FAM20B: variants seen among roughly 807,000 people sequenced by gnomAD.
The protein encoded by FAM20B is glycosaminoglycan xylosylkinase.
In FAM20B, 23 loss-of-function variants were observed where a neutral mutation model predicts 43.8. The observed-to-expected ratio is 0.53, with a 90% CI of 0.38 to 0.74. The LOEUF is 0.74. FAM20B is among the 30% of genes least tolerant of loss of function. The probability of loss-of-function intolerance (pLI) is 0.00; values close to 1 mark genes in which losing one functional copy is unlikely to be tolerated. For missense variants in FAM20B, 440 were observed against 510.5 expected, an observed-to-expected ratio of 0.86 and a Z score of 1.33; for synonymous variants, 178 against 192.4, an observed-to-expected ratio of 0.93 and a Z score of 0.62.
intron 4 of FAM20B, among the ~76,000 whole-genome samples, chr1:179,063,211 A>G (rs1240964984): frequency 6.6e-6 from 1 of 152,088 alleles, no homozygotes; most frequent in Non-Finnish European, 1.5e-5. Context: ...TGGGAGGCAG[A>G]GGTTGCAGTG....
intron 2 of FAM20B, among the ~76,000 whole-genome samples, chr1:179,046,376 C>T (rs902242551): frequency 6.6e-6 from 1 of 152,216 alleles, no homozygotes; most frequent in Non-Finnish European, 1.5e-5. Flanking sequence ...GATGGCCGGG[C>T]ACGGTGGCTC....
At chr1:179,028,437 C>G (rs1284183397) in intron 1 of FAM20B, among the ~76,000 whole-genome samples, 1 of 152,214 alleles carries the variant, frequency 6.6e-6, no homozygotes, top group African/African-American at 2.4e-5. Flanking sequence ...CAAAAATTAG[C>G]TGTGCATGGT....
chr1:179,044,274 A>T, intron 2 of FAM20B, 50 bp downstream of exon 2: 1 of 1,536,270 alleles, frequency 6.5e-7, no homozygotes, highest in Non-Finnish European at 8.8e-7. Context: ...GATTCATTTA[A>T]CTTGGGATTT....
In FAM20B at chr1:179,034,384, TTCTCTC is replaced by T. The variant is rs138317999; in HGVS notation, c.-134+8300_-134+8305del. 3.0e-4 allele frequency among the ~76,000 whole-genome samples: 45 copies of T among 151,126 alleles called. No individual in the cohort carries two copies. In the East Asian group the frequency reaches 7.2e-3, roughly 24 times the overall value. On this transcript the variant is annotated intron_variant, in intron 1 of 7. Coordinates refer to ENST00000263733, the MANE Select transcript of FAM20B (RefSeq NM_014864.4). ...GGGAGGAAAAACAGACTCCACCTCT[TTCTCTC>T]TCTCTCTCTCTCTTTTTTTTTAATA...
intron 3 of FAM20B, among the ~76,000 whole-genome samples, chr1:179,053,317 T>A (rs1572548689): frequency 6.6e-6 from 1 of 152,200 alleles, no homozygotes; most frequent in East Asian, 1.9e-4. Context: ...GCGTTTGTAG[T>A]CCTAGGTACC....
Position 179,043,762 on chromosome 1 carries a change from C to A in FAM20B, c.-86C>A. 1.5e-6 allele frequency: 2 copies of A among 1,345,214 alleles called. No individual in the cohort carries two copies. Among genetic ancestry groups the A allele is most frequent in the Non-Finnish European group, 2.1e-6 (2 of 974,364 alleles). The allele number at this position is 1,345,214 out of a possible 1,614,324, so 83.3% of individuals were successfully genotyped here. A position where few individuals can be genotyped will look rare whatever the true frequency, so the allele number is the denominator to read the frequency against. On this transcript the variant is annotated 5_prime_UTR_variant, in exon 2 of 8. Coordinates refer to ENST00000263733, the MANE Select transcript of FAM20B (RefSeq NM_014864.4). Reference sequence around the variant, plus strand: ...GAAGAAATGGACCAATGTGTATAATCATGGAATCTCCTTGCTAACCATCAC... The same window carrying A: ...GAAGAAATGGACCAATGTGTATAATAATGGAATCTCCTTGCTAACCATCAC...
chr1:179,022,561 G>A (rs1649622886), upstream of FAM20B, among the ~76,000 whole-genome samples: 1 of 152,172 alleles, frequency 6.6e-6, no homozygotes. Flanking sequence ...ACTGTTATTG[G>A]AGTCCTAGGG....
chr1:179,030,128 A>G (rs1297273705), intron 1 of FAM20B, among the ~76,000 whole-genome samples: 3 of 152,196 alleles, frequency 2.0e-5, no homozygotes, highest in African/African-American at 7.2e-5. Context: ...AATGTAAAAC[A>G]GCTAAATTGG....
rs547439601 is a variant in FAM20B, at chr1:179,032,313, C to CTTTT, written c.-134+6238_-134+6241dup. 6.1e-4 allele frequency among the ~76,000 whole-genome samples: 68 copies of CTTTT among 111,934 alleles called. 6 individuals are homozygous for CTTTT. Among genetic ancestry groups the CTTTT allele is most frequent in the African/African-American group, 1.6e-3 (50 of 32,066 alleles). 73.4% of individuals were successfully genotyped at this position (111,934 alleles called of 152,430 possible). The stretch of plus-strand genomic sequence containing the variant: ...GCACAACACATGTAGAGGTCTCATT[C>CTTTT]TTTTTTTTTTTTTTTTTTTTTTTTT... On this transcript the variant is annotated intron_variant, in intron 1 of 7. Coordinates refer to ENST00000263733, the MANE Select transcript of FAM20B (RefSeq NM_014864.4).
intron 7 of FAM20B, among the ~76,000 whole-genome samples, chr1:179,067,632 GT>G (rs1169198717): frequency 6.6e-6 from 1 of 151,662 alleles, no homozygotes; most frequent in African/African-American, 2.4e-5. Context: ...ATAATAATTG[GT>G]TTTTTTAAAA....
chr1:179,073,699 C>T lies in FAM20B; in HGVS notation c.*1555C>T, dbSNP rs1301861718. The T allele has an allele frequency of 6.6e-6, 1 of 152,198 alleles. No homozygotes were observed. Among genetic ancestry groups the T allele is most frequent in the Non-Finnish European group, 1.5e-5 (1 of 68,034 alleles). The allele number at this position is 152,198 out of a possible 1,614,324, so 9.4% of individuals were successfully genotyped here. A position where few individuals can be genotyped will look rare whatever the true frequency, so the allele number is the denominator to read the frequency against. On this transcript the variant is annotated 3_prime_UTR_variant, in exon 8 of 8. Coordinates refer to ENST00000263733, the MANE Select transcript of FAM20B (RefSeq NM_014864.4). ...CTTAAGATTTTGATTTATGTCAAAT[C>T]CTAATTCTATCATTCAGTCTTGTTT... is the stretch of plus-strand genomic sequence containing the variant.
At chr1:179,051,573 G>A (rs993789102) in intron 3 of FAM20B, among the ~76,000 whole-genome samples, 4 of 152,128 alleles carry the variant, frequency 2.6e-5, no homozygotes, top group African/African-American at 9.7e-5. Flanking sequence ...GCTGCAGTGA[G>A]CTGTGATCAC....
At chr1:179,041,640 G>GAGGGAGA (rs1650541464) in intron 1 of FAM20B, among the ~76,000 whole-genome samples, 4 of 123,420 alleles carry the variant, frequency 3.2e-5, no homozygotes, top group African/African-American at 1.1e-4. Flanking sequence ...GGGAGACCGT[G>GAGGGAGA]GGGAGACGGG....
the FAM20B span, among the ~76,000 whole-genome samples, chr1:179,019,123 A>G: frequency 6.6e-6 from 1 of 152,230 alleles, no homozygotes; most frequent in African/African-American, 2.4e-5. Flanking sequence ...CAGTTCACCA[A>G]TTCAAATGCT....
intron 6 of FAM20B, 88 bp from the exon 7 acceptor site, chr1:179,066,712 G>A: frequency 3.5e-6 from 3 of 868,602 alleles, no homozygotes; most frequent in Non-Finnish European, 5.8e-6. Flanking sequence ...GATCACATTT[G>A]AGTTTCATAT....
chr1:179,037,104 C>A (rs1036053645), intron 1 of FAM20B, among the ~76,000 whole-genome samples: 5 of 152,162 alleles, frequency 3.3e-5, no homozygotes, highest in Admixed American at 6.5e-5. Flanking sequence ...GCTTTAATGC[C>A]TTGCCAAGGA....
At position 179,050,359 on chromosome 1, in the gene FAM20B, TGGACA is replaced by T. The variant is rs1427567785; in HGVS notation, c.461_464+1del. The stretch of plus-strand genomic sequence containing the variant: ...AATGCAGAGGTAGCAGCCTTTCACT[TGGACA>T]GGTGCGTATGATCACAGCAGCTTAT... On this transcript the variant is annotated frameshift_variant and splice_region_variant, in exon 3 of 8. Coordinates refer to ENST00000263733, the MANE Select transcript of FAM20B (RefSeq NM_014864.4). LOFTEE classifies it high-confidence loss of function. 1 of 1,612,778 alleles carries T rather than the reference TGGACA, an allele frequency of 6.2e-7. No homozygotes were observed. The highest frequency in any genetic ancestry group is 1.7e-5 in the Admixed American group (1 of 60,014).
chr1:179,031,589 T>C (rs986447318), intron 1 of FAM20B, among the ~76,000 whole-genome samples: 3 of 152,252 alleles, frequency 2.0e-5, no homozygotes, highest in African/African-American at 7.2e-5. Context: ...GTAATGGTTT[T>C]AGTTGCCTTC....
At chr1:179,044,306 CT>C in intron 2 of FAM20B, 82 bp downstream of exon 2, 1 of 1,462,156 alleles carries the variant, frequency 6.8e-7, no homozygotes. Flanking sequence ...ATTTTGTCAT[CT>C]TCTCTTGGAA....
Sources: allele counts gnomAD v4.1 joint callset (sites outside exome capture counted in the v4.1 genomes callset), GRCh38; gene constraint gnomAD v4.1.1; transcripts MANE v1.5; gene names NCBI Gene and HGNC (gene_info 2026-07-23, HGNC 2026-07-21).